The following RALGAPB variants were observed in gnomAD, a reference collection of about 807,000 sequenced individuals.
RALGAPB encodes the protein ral GTPase-activating protein subunit beta.
RALGAPB carries 25 observed loss-of-function variants against 161.1 expected under a neutral mutation model. The ratio of observed to expected loss-of-function variants is 0.16; its 90% confidence interval spans 0.11 to 0.22. The LOEUF is 0.22. RALGAPB is among the 10% of genes least tolerant of loss of function. The pLI, the probability that RALGAPB is intolerant of heterozygous loss-of-function variation, is 1.00. For missense variants in RALGAPB, 1,391 were observed against 1,815.2 expected (o/e 0.77, Z 4.25); for synonymous variants, 629 against 626.1 (o/e 1.00, Z -0.07).
intron 13 of RALGAPB, among the ~76,000 whole-genome samples, chr20:38,527,572 T>G (rs1257719481): frequency 6.6e-6 from 1 of 152,206 alleles, no homozygotes; most frequent in Non-Finnish European, 1.5e-5. Context: ...TTTAGAGACC[T>G]TCTGAAGTTA....
intron 1 of RALGAPB, among the ~76,000 whole-genome samples, chr20:38,484,708 A>G (rs1178383368): frequency 6.6e-6 from 1 of 152,154 alleles, no homozygotes; most frequent in Non-Finnish European, 1.5e-5. Flanking sequence ...AATAGCTGTA[A>G]ACAGAGCTTG....
chr20:38,523,153 CAA>C (rs1205480778), intron 10 of RALGAPB, among the ~76,000 whole-genome samples: 6 of 130,104 alleles, frequency 4.6e-5, no homozygotes, highest in Non-Finnish European at 3.4e-5. Context: ...GACTCCGTCT[CAA>C]AAAAAAAAAA....
At chr20:38,494,292 A>G (rs182970288) in intron 3 of RALGAPB, among the ~76,000 whole-genome samples, 32 of 152,328 alleles carry the variant, frequency 2.1e-4, no homozygotes, top group African/African-American at 5.8e-4. Flanking sequence ...TTAGGTGTCA[A>G]TTAAATGCGT....
At chr20:38,501,808 A>C (rs2085603792) in intron 5 of RALGAPB, among the ~76,000 whole-genome samples, 1 of 152,156 alleles carries the variant, frequency 6.6e-6, no homozygotes, top group African/African-American at 2.4e-5. Flanking sequence ...AATAGTGGAA[A>C]ATTTTTTTTG....
intron 1 of RALGAPB, among the ~76,000 whole-genome samples, chr20:38,484,983 C>T (rs1414303370): frequency 6.6e-6 from 1 of 152,000 alleles, no homozygotes; most frequent in African/African-American, 2.4e-5. Context: ...GTGTGAGCCA[C>T]CACCACACCT....
At chr20:38,489,528 ATGGAG>A (rs961886409) in intron 2 of RALGAPB, among the ~76,000 whole-genome samples, 1 of 152,154 alleles carries the variant, frequency 6.6e-6, no homozygotes, top group African/African-American at 2.4e-5. Flanking sequence ...GGCCCTGAGA[ATGGAG>A]TGATAGAGGA....
At position 38,553,847 on chromosome 20, in the gene RALGAPB, A is replaced by G; in HGVS notation, c.3163-20A>G. Reference sequence around the variant, plus strand: ...AGTTTGATAATAGTTTCAAAAAATGAAATATTTGGTTTATTACAGTTAGAA... The same window carrying G: ...AGTTTGATAATAGTTTCAAAAAATGGAATATTTGGTTTATTACAGTTAGAA... On this transcript the variant is annotated intron_variant, in intron 21 of 29. Coordinates refer to ENST00000262879, the MANE Select transcript of RALGAPB (RefSeq NM_020336.4). The G allele has an allele frequency of 6.5e-7, 1 of 1,539,024 alleles. No individual in the cohort carries two copies. The highest frequency in any genetic ancestry group is 9.0e-7 in the Non-Finnish European group (1 of 1,115,048).
At chr20:38,572,643 TATC>T (rs1364415896) in intron 28 of RALGAPB, among the ~76,000 whole-genome samples, 1 of 152,234 alleles carries the variant, frequency 6.6e-6, no homozygotes, top group Non-Finnish European at 1.5e-5. Flanking sequence ...ATTTTAGCAT[TATC>T]ATTTTAAACT....
Position 38,570,494 on chromosome 20 carries a change from G to C in RALGAPB, c.4064-275G>C, listed in dbSNP as rs190968560. 1.2e-3 allele frequency among the ~76,000 whole-genome samples: 190 copies of C among 152,322 alleles called. 1 individual carries two copies. The highest frequency in any genetic ancestry group is 0.011 in the Admixed American group (167 of 15,300). ...TGCCTAAAATCCCATCCAGCCCAGAGTTTGTGGGAAAGTGTGATAGTTACT... is the reference window on the plus strand; with the variant it reads ...TGCCTAAAATCCCATCCAGCCCAGACTTTGTGGGAAAGTGTGATAGTTACT... On this transcript the variant is annotated intron_variant, in intron 27 of 29. Transcript: ENST00000262879.
rs879916475 is a variant in RALGAPB at position 38,528,686 on chromosome 20, A to AT, written c.2051-2469dup. 4.5e-3 allele frequency among the ~76,000 whole-genome samples: 664 copies of AT among 146,514 alleles called. 3 individuals carry two copies. Among genetic ancestry groups the AT allele is most frequent in the African/African-American group, 0.015 (600 of 40,200 alleles). ...GCCTGGCCCACATTTATTTTAGGGAATTTTTTTTTTTTGAGATGGAGTCTC... is the reference window on the plus strand; with the variant it reads ...GCCTGGCCCACATTTATTTTAGGGAATTTTTTTTTTTTTGAGATGGAGTCTC... On this transcript the variant is annotated intron_variant, in intron 13 of 29. Coordinates refer to ENST00000262879, the MANE Select transcript of RALGAPB (RefSeq NM_020336.4).
chr20:38,533,430 T>C (rs1387585990), intron 15 of RALGAPB, among the ~76,000 whole-genome samples: 1 of 152,234 alleles, frequency 6.6e-6, no homozygotes, highest in East Asian at 1.9e-4. Flanking sequence ...TTATGGATTC[T>C]GTGAGTTTGT....
At chr20:38,513,152 A>G (rs2086017068) in intron 6 of RALGAPB, among the ~76,000 whole-genome samples, 1 of 151,404 alleles carries the variant, frequency 6.6e-6, no homozygotes, top group Non-Finnish European at 1.5e-5. Context: ...TAGATCACCC[A>G]AGCTTAGGAG....
intron 21 of RALGAPB, among the ~76,000 whole-genome samples, chr20:38,552,034 G>A (rs2087391459): frequency 6.6e-6 from 1 of 152,220 alleles, no homozygotes; most frequent in Admixed American, 6.5e-5. Flanking sequence ...ATGTATTGAG[G>A]GACAGGCAGT....
At chr20:38,529,046 C>G (rs1346411862) in intron 13 of RALGAPB, among the ~76,000 whole-genome samples, 1 of 152,084 alleles carries the variant, frequency 6.6e-6, no homozygotes, top group Non-Finnish European at 1.5e-5. Context: ...AGAGTTGACC[C>G]TTGAACAACA....
intron 1 of RALGAPB, among the ~76,000 whole-genome samples, chr20:38,473,530 A>G (rs1471682220): frequency 6.6e-6 from 1 of 152,222 alleles, no homozygotes; most frequent in Non-Finnish European, 1.5e-5. Flanking sequence ...TCCGCCAGGC[A>G]TCATGCCAGG....
intron 1 of RALGAPB, among the ~76,000 whole-genome samples, chr20:38,480,187 T>G (rs1297978909): frequency 6.6e-6 from 1 of 151,640 alleles, no homozygotes; most frequent in Non-Finnish European, 1.5e-5. Flanking sequence ...GCCTCCAGTT[T>G]TACTGAATTA....
intron 2 of RALGAPB, among the ~76,000 whole-genome samples, chr20:38,490,504 G>A (rs1023976813): frequency 6.7e-6 from 1 of 149,846 alleles, no homozygotes; most frequent in African/African-American, 2.5e-5. Flanking sequence ...CACCGCGCCC[G>A]GCCTATTTAT....
In RALGAPB at chr20:38,565,437, C is replaced by T; in HGVS notation, c.3776C>T (p.Thr1259Ile). Residue 1259 changes from threonine (T) to isoleucine (I), a missense_variant, in exon 25 of 30, where the codon ACA becomes ATA. By Grantham distance (89) the Thr-to-Ile change is moderately conservative (BLOSUM62 -1). This residue lies in a region of RALGAPB where 436 missense variants were observed against 527.0 expected (regional missense o/e 0.83). Transcript: ENST00000262879. ...GTGCTGTATTATGCTGATGCCCTTA[C>T]AGAAATTGCTTTTGTGGTTCCTTCT... ...KKVLYYADAL[T>I]EIAFVVPSPV... 1 of 1,613,636 alleles carries T rather than the reference C, an allele frequency of 6.2e-7. No homozygotes were observed. Among genetic ancestry groups the T allele is most frequent in the African/African-American group, 1.3e-5 (1 of 75,020 alleles).
intron 21 of RALGAPB, among the ~76,000 whole-genome samples, chr20:38,552,887 A>G (rs1241543805): frequency 6.6e-6 from 1 of 152,146 alleles, no homozygotes; most frequent in Non-Finnish European, 1.5e-5. Flanking sequence ...TGGTGTGGAG[A>G]TTGACAGGTG....
Sources: allele counts gnomAD v4.1 joint callset (sites outside exome capture counted in the v4.1 genomes callset), GRCh38; gene constraint gnomAD v4.1.1; regional missense constraint gnomAD v4.1.1; transcripts MANE v1.5; gene names NCBI Gene and HGNC (gene_info 2026-07-23, HGNC 2026-07-21).